GABPA: variants seen among roughly 807,000 people sequenced by gnomAD.
GABPA encodes the protein GA binding protein transcription factor subunit alpha.
In GABPA, 4 loss-of-function variants were observed where a neutral mutation model predicts 59.4. That is an observed-to-expected ratio of 0.07 (90% CI 0.03 to 0.15). GABPA has a LOEUF of 0.15. Ranked by LOEUF, GABPA falls within the 10% of genes least tolerant of loss-of-function variation. The pLI is 1.00. For missense variants in GABPA, 251 were observed against 543.8 expected (o/e 0.46, Z 5.36); for synonymous variants, 164 against 183.1 (o/e 0.90, Z 0.84).
rs2034985360 is a variant in GABPA, at chr21:25,735,124, T to A, written c.-481T>A. ...CCTCCGCCATCTTTTCTTCGCCTAATTTGACCCGTTCTTTTTCCCCTCCTT... is the reference window on the plus strand; with the variant it reads ...CCTCCGCCATCTTTTCTTCGCCTAAATTGACCCGTTCTTTTTCCCCTCCTT... On this transcript the variant is annotated 5_prime_UTR_variant, in exon 1 of 10. Transcript: ENST00000400075. 1 of 710,596 alleles carries A rather than the reference T, an allele frequency of 1.4e-6. No individual in the cohort carries two copies. The highest frequency in any genetic ancestry group is 2.1e-5 in the Admixed American group (1 of 46,730). The allele number at this position is 710,596 out of a possible 1,614,324, so 44.0% of individuals were successfully genotyped here.
At position 25,769,517 on chromosome 21, in the gene GABPA, A is replaced by T. The variant is rs2035968899; in HGVS notation, c.*285A>T. On this transcript the variant is annotated 3_prime_UTR_variant, in exon 10 of 10. Transcript: ENST00000400075. ...CAGGAAGGCTAAACTGGTCAGTATT[A>T]ATGTGTAGCCCTACCAAAAATAGCC... The T allele has an allele frequency of 1.4e-5, 4 of 288,996 alleles. No homozygotes were observed. The South Asian group carries it at 2.4e-4, about 17-fold the overall frequency. 17.9% of individuals were successfully genotyped at this position (288,996 alleles called of 1,614,324 possible). A position where few individuals can be genotyped will look rare whatever the true frequency, so the allele number is the denominator to read the frequency against.
At chr21:25,735,694 G>C (rs553038287) in intron 1 of GABPA, 116 bp downstream of exon 1, 1 of 151,494 alleles carries the variant, frequency 6.6e-6, no homozygotes, top group Admixed American at 6.6e-5. Flanking sequence ...TGTTTCCGCT[G>C]GTCCCCGGCG....
At position 25,735,001 on chromosome 21, in the gene GABPA, GTC is replaced by G. The variant is rs1223665972; in HGVS notation, c.-601_-600del. On this transcript the variant is annotated 5_prime_UTR_variant, in exon 1 of 10. Transcript: ENST00000400075. ...GGTCGACGCTCACCGGACAGGAAGCGTCTCGGAGACAGTCTGCGACCGGACGG... is the reference window on the plus strand; with the variant it reads ...GGTCGACGCTCACCGGACAGGAAGCGTCGGAGACAGTCTGCGACCGGACGG... The G allele has an allele frequency of 2.4e-5, 37 of 1,545,876 alleles. No individual in the cohort carries two copies. Among genetic ancestry groups the G allele is most frequent in the Non-Finnish European group, 3.1e-5 (35 of 1,145,374 alleles).
At chr21:25,768,710 T>A (rs954375202) in intron 9 of GABPA, among the ~76,000 whole-genome samples, 1 of 152,120 alleles carries the variant, frequency 6.6e-6, no homozygotes, top group African/African-American at 2.4e-5. Context: ...CTCTCAAGGT[T>A]TTTTGTTTTG....
At chr21:25,765,335 T>A (rs1351591457) in intron 9 of GABPA, among the ~76,000 whole-genome samples, 1 of 152,024 alleles carries the variant, frequency 6.6e-6, no homozygotes, top group East Asian at 1.9e-4. Context: ...ATCACGGAAT[T>A]ATGTCTGATT....
At chr21:25,750,907 T>C (rs1174492309) in intron 4 of GABPA, among the ~76,000 whole-genome samples, 1 of 152,220 alleles carries the variant, frequency 6.6e-6, no homozygotes, top group Non-Finnish European at 1.5e-5. Flanking sequence ...GTTTTTATCA[T>C]GTATATTTGA....
chr21:25,765,054 G>C (rs113939103), intron 9 of GABPA, among the ~76,000 whole-genome samples: 3 of 151,502 alleles, frequency 2.0e-5, no homozygotes, highest in African/African-American at 7.3e-5. Flanking sequence ...TTTAATTTTT[G>C]AGGTTTTTAT....
chr21:25,761,729 T>C (rs1288755077), intron 6 of GABPA, among the ~76,000 whole-genome samples: 1 of 152,208 alleles, frequency 6.6e-6, no homozygotes, highest in Non-Finnish European at 1.5e-5. Context: ...TGTAAAGCCT[T>C]ATCTCAGGAC....
At chr21:25,768,203 CG>C (rs1303426714) in intron 9 of GABPA, among the ~76,000 whole-genome samples, 1 of 151,812 alleles carries the variant, frequency 6.6e-6, no homozygotes, top group Non-Finnish European at 1.5e-5. Flanking sequence ...GAATGATTGC[CG>C]GAACTCTGCT....
At chr21:25,744,902 T>A (rs891334684) in intron 2 of GABPA, among the ~76,000 whole-genome samples, 1 of 152,214 alleles carries the variant, frequency 6.6e-6, no homozygotes, top group Admixed American at 6.5e-5. Context: ...CTTGAAAATG[T>A]AATGCAAATG....
intron 1 of GABPA, among the ~76,000 whole-genome samples, chr21:25,739,917 C>A (rs996191900): frequency 1.3e-5 from 2 of 152,172 alleles, no homozygotes; most frequent in Non-Finnish European, 2.9e-5. Flanking sequence ...CGTATCTGGC[C>A]CTAGCTGCGT....
At chr21:25,767,650 CAT>C (rs1184282596) in intron 9 of GABPA, among the ~76,000 whole-genome samples, 11 of 151,936 alleles carry the variant, frequency 7.2e-5, no homozygotes, top group South Asian at 2.1e-4. Context: ...TATAGTCTTA[CAT>C]ATTAATGTAG....
rs2035991119 is a variant in GABPA at position 25,770,637 on chromosome 21, C to G, written c.*1405C>G. The G allele has an allele frequency of 6.6e-6, 1 of 151,972 alleles. No homozygotes were observed. The highest frequency in any genetic ancestry group is 2.4e-5 in the African/African-American group (1 of 41,376). The allele number at this position is 151,972 out of a possible 1,614,324, so 9.4% of individuals were successfully genotyped here. On this transcript the variant is annotated 3_prime_UTR_variant, in exon 10 of 10. Transcript: ENST00000400075. Reference sequence around the variant, plus strand: ...CTTCATTGTTTTCTTTAAATCTGTCCTCTTAAAAAGCTTCTTAAGAGCTCA... The same window carrying G: ...CTTCATTGTTTTCTTTAAATCTGTCGTCTTAAAAAGCTTCTTAAGAGCTCA...
rs1329633175 is a variant in GABPA, at chr21:25,772,195, T to C, written c.*2963T>C. The C allele has an allele frequency of 6.6e-6, 1 of 152,100 alleles. No individual in the cohort carries two copies. Among genetic ancestry groups the C allele is most frequent in the African/African-American group, 2.4e-5 (1 of 41,456 alleles). 9.4% of individuals were successfully genotyped at this position (152,100 alleles called of 1,614,324 possible). On this transcript the variant is annotated 3_prime_UTR_variant, in exon 10 of 10. Coordinates refer to ENST00000400075, the MANE Select transcript of GABPA (RefSeq NM_002040.4). ...TCAGATCTAAAGGGTGTAAAAATAT[T>C]GATACTTCAATATTTCACTTGCTGC...
chr21:25,743,251 T>A (rs1387166475), intron 2 of GABPA, among the ~76,000 whole-genome samples: 1 of 152,232 alleles, frequency 6.6e-6, no homozygotes, highest in African/African-American at 2.4e-5. Flanking sequence ...GTGTCTTTTT[T>A]AAGTAATCTA....
chr21:25,761,046 C>T (rs1396989249), intron 6 of GABPA, among the ~76,000 whole-genome samples: 1 of 151,930 alleles, frequency 6.6e-6, no homozygotes, highest in Non-Finnish European at 1.5e-5. Flanking sequence ...TCAAATAGTT[C>T]CTCTTTGAGG....
rs966189573 is a variant in GABPA, at chr21:25,735,071, G to A, written c.-534G>A. ...GCCAAACAGGAGGAGGAAGTGGAGG[G>A]TAAGTGCTTCCGGGTCCCCTGGCAC... On this transcript the variant is annotated 5_prime_UTR_variant, in exon 1 of 10. Coordinates refer to ENST00000400075, the MANE Select transcript of GABPA (RefSeq NM_002040.4). 65 of 1,090,772 alleles carry A rather than the reference G, an allele frequency of 6.0e-5. No individual in the cohort carries two copies. Among genetic ancestry groups the A allele is most frequent in the Admixed American group, 4.0e-4 (20 of 49,930 alleles). The allele number at this position is 1,090,772 out of a possible 1,614,324, so 67.6% of individuals were successfully genotyped here.
At chr21:25,754,212 T>C (rs1459631607) in intron 5 of GABPA, among the ~76,000 whole-genome samples, 2 of 152,188 alleles carry the variant, frequency 1.3e-5, no homozygotes, top group Non-Finnish European at 2.9e-5. Context: ...TTAAAATAAA[T>C]TCATTATTAA....
rs747309800 is a variant in GABPA, at chr21:25,752,047, T to G, written c.366T>G (p.Val122=). The G allele has an allele frequency of 3.1e-6, 5 of 1,610,030 alleles. No individual in the cohort carries two copies. In the Admixed American group the frequency reaches 8.3e-5, roughly 27 times the overall value. Reference sequence around the variant, plus strand: ...TTAAACCTGCGGACACTGTTGAGGTTGTTATTGATCCAGATGCCCACCATG... The same window carrying G: ...TTAAACCTGCGGACACTGTTGAGGTGGTTATTGATCCAGATGCCCACCATG... ...EIVKPADTVE[V]VIDPDAHHAE... The change falls in exon 5 of 10, where the codon GTT becomes GTG. Residue 122 remains valine (V), a synonymous_variant. Coordinates refer to ENST00000400075, the MANE Select transcript of GABPA (RefSeq NM_002040.4).
Sources: allele counts gnomAD v4.1 joint callset (sites outside exome capture counted in the v4.1 genomes callset), GRCh38; gene constraint gnomAD v4.1.1; transcripts MANE v1.5; gene names NCBI Gene and HGNC (gene_info 2026-07-23, HGNC 2026-07-21).